The following PTPRT variants were observed in gnomAD, a reference collection of about 807,000 sequenced individuals.
PTPRT encodes receptor-type tyrosine-protein phosphatase T.
A neutral mutation model predicts 176.8 loss-of-function variants in PTPRT; 56 were observed. The observed-to-expected ratio is 0.32, with a 90% confidence interval of 0.26 to 0.40. The LOEUF (loss-of-function observed/expected upper bound fraction) is 0.40. Among genes scored for constraint, PTPRT ranks in the 10% least tolerant of loss-of-function variants. PTPRT has a pLI of 1.00. For synonymous variants in PTPRT, 783 were observed against 739.0 expected (o/e 1.06, Z -0.96); for missense variants, 1,540 against 1,908.2 (o/e 0.81, Z 3.60).
chr20:43,041,575 G>A (rs1022978253), intron 1 of PTPRT, among the ~76,000 whole-genome samples: 4 of 152,188 alleles, frequency 2.6e-5, no homozygotes, highest in East Asian at 1.9e-4. Context: ...TGGCCATAAC[G>A]TGCCACCTAC....
Position 43,189,623 on chromosome 20 carries a change from G to T in PTPRT, c.88+23C>A. On this transcript the variant is annotated intron_variant, in intron 1 of 30. Coordinates refer to ENST00000373187, the MANE Select transcript of PTPRT (RefSeq NM_007050.6). This position sits in a 1 kb window ranked among gnomAD's most constrained non-coding sequence, Gnocchi z 5.0. ...ATCCAGGAGGGAGCGGGGAGCCCAG[G>T]GGAGCCGGGCGGGCGCACTCACCTG... is the stretch of plus-strand genomic sequence containing the variant. 8.1e-7 allele frequency: 1 copy of T among 1,241,720 alleles called. No homozygotes were observed. Among genetic ancestry groups the T allele is most frequent in the African/African-American group, 1.6e-5 (1 of 63,826 alleles). The allele number at this position is 1,241,720 out of a possible 1,614,324, so 76.9% of individuals were successfully genotyped here.
chr20:43,025,191 C>G (rs925029612), intron 1 of PTPRT, among the ~76,000 whole-genome samples: 1 of 152,156 alleles, frequency 6.6e-6, no homozygotes, highest in African/African-American at 2.4e-5. Context: ...AACTAGATAC[C>G]TTACAAATGT....
intron 9 of PTPRT, among the ~76,000 whole-genome samples, chr20:42,410,025 C>T (rs1051492425): frequency 2.0e-5 from 3 of 151,974 alleles, no homozygotes; most frequent in African/African-American, 7.2e-5. Context: ...GTCAAAATCT[C>T]GGTTTGTTCC....
At chr20:43,013,549 T>C (rs1224187302) in intron 1 of PTPRT, among the ~76,000 whole-genome samples, 1 of 152,122 alleles carries the variant, frequency 6.6e-6, no homozygotes, top group African/African-American at 2.4e-5. Flanking sequence ...GGGGTACATA[T>C]CTGGAAGTGG....
chr20:42,823,399 G>C (rs187884753), intron 2 of PTPRT, among the ~76,000 whole-genome samples: 1 of 152,174 alleles, frequency 6.6e-6, no homozygotes, highest in East Asian at 1.9e-4. Context: ...GGGTGGCAGG[G>C]TGAGGGGAGG....
At chr20:42,501,103 C>A (rs1432571730) in intron 7 of PTPRT, among the ~76,000 whole-genome samples, 1 of 152,134 alleles carries the variant, frequency 6.6e-6, no homozygotes, top group African/African-American at 2.4e-5. Flanking sequence ...CCCCATCACG[C>A]CTTTCCCCGT....
intron 1 of PTPRT, among the ~76,000 whole-genome samples, chr20:43,137,023 G>T (rs1265123602): frequency 2.0e-5 from 3 of 152,156 alleles, no homozygotes; most frequent in African/African-American, 7.2e-5. Context: ...CTAGAATCCA[G>T]GCTAACTTTA....
chr20:42,666,124 A>C (rs2075312758), intron 7 of PTPRT, among the ~76,000 whole-genome samples: 1 of 152,200 alleles, frequency 6.6e-6, no homozygotes, highest in African/African-American at 2.4e-5. Flanking sequence ...AAAGGCTGAA[A>C]GAAAGAAGAA....
chr20:42,314,357 T>C (rs1225543744), intron 12 of PTPRT, among the ~76,000 whole-genome samples: 1 of 151,270 alleles, frequency 6.6e-6, no homozygotes, highest in Non-Finnish European at 1.5e-5. Context: ...TAAAACCCCG[T>C]CTCTACCAAA....
At chr20:42,959,493 G>A (rs1284580267) in intron 1 of PTPRT, among the ~76,000 whole-genome samples, 2 of 152,116 alleles carry the variant, frequency 1.3e-5, no homozygotes, top group African/African-American at 4.8e-5. Flanking sequence ...TCACAGAAAA[G>A]CCCTTGAAAG....
intron 9 of PTPRT, among the ~76,000 whole-genome samples, chr20:42,378,614 A>C (rs2058671272): frequency 6.6e-6 from 1 of 152,194 alleles, no homozygotes; most frequent in African/African-American, 2.4e-5. Context: ...CTGTCGAATG[A>C]ACAAAGGAAT....
At chr20:42,643,565 A>C (rs929518354) in intron 7 of PTPRT, among the ~76,000 whole-genome samples, 3 of 151,120 alleles carry the variant, frequency 2.0e-5, no homozygotes, top group Admixed American at 2.0e-4. Flanking sequence ...AATCCTCCCA[A>C]CTTGGCCTCC....
At position 42,468,551 on chromosome 20, in the gene PTPRT, C is replaced by T. The variant is rs62204871; in HGVS notation, c.1450+3715G>A. On this transcript the variant is annotated intron_variant, in intron 8 of 30. Transcript: ENST00000373187. ...CATCTCCATAGAGCAGGAATTGATG[C>T]TTTATTAATGATGTTTAATTAAAAT... is the stretch of plus-strand genomic sequence containing the variant. 8.0e-3 allele frequency among the ~76,000 whole-genome samples: 1,222 copies of T among 152,282 alleles called. 11 individuals carry two copies. Among genetic ancestry groups the T allele is most frequent in the Admixed American group, 0.012 (185 of 15,300 alleles).
intron 9 of PTPRT, among the ~76,000 whole-genome samples, chr20:42,385,397 C>T (rs1485235277): frequency 1.3e-5 from 2 of 152,146 alleles, no homozygotes; most frequent in South Asian, 2.1e-4. Flanking sequence ...TATGAAGTAT[C>T]TAAACTAGCC....
chr20:42,772,863 A>G (rs2077082910), intron 4 of PTPRT, among the ~76,000 whole-genome samples: 1 of 152,264 alleles, frequency 6.6e-6, no homozygotes, highest in African/African-American at 2.4e-5. Flanking sequence ...TGCATGCTCT[A>G]TCTAATTTAA....
intron 17 of PTPRT, among the ~76,000 whole-genome samples, chr20:42,156,542 C>A (rs1046968772): frequency 2.0e-5 from 3 of 152,198 alleles, no homozygotes; most frequent in African/African-American, 7.2e-5. Context: ...ATCCAACTAC[C>A]TTCTTGCCAC....
chr20:42,605,143 C>T (rs1193012973), intron 7 of PTPRT, among the ~76,000 whole-genome samples: 5 of 152,138 alleles, frequency 3.3e-5, no homozygotes, highest in Admixed American at 2.0e-4. Context: ...TCTATGAATG[C>T]CTGAGGAGTC....
intron 7 of PTPRT, among the ~76,000 whole-genome samples, chr20:42,573,125 G>A (rs1239430295): frequency 6.6e-6 from 1 of 152,168 alleles, no homozygotes; most frequent in African/African-American, 2.4e-5. Flanking sequence ...TAATGTTGTA[G>A]GAATTGGGCA....
chr20:42,671,775 A>C (rs2075417339), intron 7 of PTPRT, among the ~76,000 whole-genome samples: 1 of 152,204 alleles, frequency 6.6e-6, no homozygotes, highest in Admixed American at 6.5e-5. Context: ...TGAATGATTA[A>C]ACTAAGGAAA....
Sources: allele counts gnomAD v4.1 joint callset (sites outside exome capture counted in the v4.1 genomes callset), GRCh38; gene constraint gnomAD v4.1.1; non-coding constraint Gnocchi (gnomAD v3.1); transcripts MANE v1.5; gene names NCBI Gene and HGNC (gene_info 2026-07-23, HGNC 2026-07-21).